The following PRKCQ variants were observed in gnomAD, a reference collection of about 807,000 sequenced individuals.
The protein encoded by PRKCQ is protein kinase C theta, also known as protein kinase C theta type.
A neutral mutation model predicts 91.2 loss-of-function variants in PRKCQ; 41 were observed. The observed-to-expected ratio is 0.45, with a 90% CI of 0.35 to 0.58. PRKCQ has a LOEUF of 0.58. PRKCQ is among the 20% of genes least tolerant of loss of function. PRKCQ has a pLI of 0.00. For synonymous variants in PRKCQ, 307 were observed against 316.9 expected (o/e 0.97, Z 0.33); for missense variants, 673 against 896.5 (o/e 0.75, Z 3.18).
chr10:6,451,057 G>T (rs995795719), intron 15 of PRKCQ, among the ~76,000 whole-genome samples: 50 of 151,066 alleles, frequency 3.3e-4, no homozygotes, highest in Admixed American at 1.3e-3. Context: ...GCTAGCAGAA[G>T]GCAAGAAATA....
intron 2 of PRKCQ, 51 bp downstream of exon 2, chr10:6,514,967 T>A (rs1196585363): frequency 6.2e-7 from 1 of 1,610,852 alleles, no homozygotes; most frequent in Non-Finnish European, 8.5e-7. Context: ...ACACAGTTCA[T>A]AGCAGGATTC....
rs1281359952 is a variant in PRKCQ, at chr10:6,475,353, G to A, written c.1353+3639C>T. ...GTTGATAAACGGCAGAGCTGGGCTT[G>A]AACTTCGGAATCCAAGTCCACAGGA... On this transcript the variant is annotated intron_variant, in intron 12 of 17. Transcript: ENST00000263125. Among the ~76,000 whole-genome samples, 6 of 152,180 alleles carry A rather than the reference G, an allele frequency of 3.9e-5. No homozygotes were observed. In the East Asian group the frequency reaches 1.2e-3, roughly 29 times the overall value.
intron 1 of PRKCQ, among the ~76,000 whole-genome samples, chr10:6,545,361 G>A (rs771271407): frequency 1.3e-5 from 2 of 152,224 alleles, no homozygotes; most frequent in African/African-American, 2.4e-5. Flanking sequence ...TTTTACAGAA[G>A]AGGCAATGGA....
chr10:6,560,793 G>A (rs1056853452), intron 1 of PRKCQ, among the ~76,000 whole-genome samples: 7 of 152,008 alleles, frequency 4.6e-5, no homozygotes, highest in African/African-American at 7.3e-5. Context: ...TAATCCCAGC[G>A]CTTTGGGAGG....
At chr10:6,471,622 C>T (rs1422725173) in intron 12 of PRKCQ, among the ~76,000 whole-genome samples, 3 of 152,226 alleles carry the variant, frequency 2.0e-5, no homozygotes, top group Admixed American at 6.5e-5. Context: ...CAGTGGCGCA[C>T]GCTTGTAATT....
intron 12 of PRKCQ, among the ~76,000 whole-genome samples, chr10:6,466,858 G>C (rs1375240161): frequency 6.6e-6 from 1 of 152,108 alleles, no homozygotes; most frequent in Non-Finnish European, 1.5e-5. Context: ...CAAGAAGAAT[G>C]AGACTCAGAG....
At chr10:6,453,329 T>C (rs1420491578) in intron 15 of PRKCQ, among the ~76,000 whole-genome samples, 2 of 152,224 alleles carry the variant, frequency 1.3e-5, no homozygotes. Flanking sequence ...ATGCTCATCA[T>C]CACTGGCCAT....
chr10:6,476,013 T>C (rs1836249315), intron 12 of PRKCQ, among the ~76,000 whole-genome samples: 1 of 152,152 alleles, frequency 6.6e-6, no homozygotes. Flanking sequence ...CAGGTCTTGG[T>C]AAAGCATCCC....
At chr10:6,460,308 T>G (rs72781739) in intron 14 of PRKCQ, among the ~76,000 whole-genome samples, 17,184 of 152,128 alleles carry the variant, frequency 0.11, 1,290 homozygotes, top group Middle Eastern at 0.2. Context: ...CTTTTTTTTT[T>G]TTGTTCTGAG....
chr10:6,485,061 G>T, intron 10 of PRKCQ, 91 bp downstream of exon 10: 2 of 1,138,340 alleles, frequency 1.8e-6, no homozygotes, highest in South Asian at 2.7e-5. Flanking sequence ...ATCAGACCAG[G>T]TAAGCTGATA....
intron 16 of PRKCQ, among the ~76,000 whole-genome samples, chr10:6,440,831 A>G (rs950658217): frequency 2.0e-5 from 3 of 152,134 alleles, no homozygotes; most frequent in African/African-American, 4.8e-5. Flanking sequence ...TCTACTAAAA[A>G]TACAAAAATT....
chr10:6,549,505 A>G (rs553112856), intron 1 of PRKCQ, among the ~76,000 whole-genome samples: 4 of 152,220 alleles, frequency 2.6e-5, no homozygotes, highest in Non-Finnish European at 5.9e-5. Context: ...AAGGTTTGTC[A>G]TAGCGATTAC....
intron 15 of PRKCQ, among the ~76,000 whole-genome samples, chr10:6,445,157 C>G (rs1834209313): frequency 7.0e-6 from 1 of 142,536 alleles, no homozygotes; most frequent in African/African-American, 2.6e-5. Flanking sequence ...AAATTCCAGA[C>G]ATTCCAGTAT....
intron 1 of PRKCQ, among the ~76,000 whole-genome samples, chr10:6,519,664 T>A (rs567054427): frequency 6.6e-5 from 10 of 152,242 alleles, no homozygotes; most frequent in Admixed American, 2.0e-4. Context: ...ACACTAAATG[T>A]CATTGTGTCC....
In PRKCQ at chr10:6,491,817, A is replaced by AAG. The variant is rs1837321095; in HGVS notation, c.661-7_661-6dup. 1 of 1,614,050 alleles carries AAG rather than the reference A, an allele frequency of 6.2e-7. No individual in the cohort carries two copies. Among genetic ancestry groups the AAG allele is most frequent in the Non-Finnish European group, 8.5e-7 (1 of 1,180,014 alleles). ...TTTGAATCTCTCCTTGTGGAACTGA[A>AAG]AGAAAGGCAGAAGGTGAAATCTGTG... On this transcript the variant is annotated splice_polypyrimidine_tract_variant and splice_region_variant and intron_variant, in intron 7 of 17. Transcript: ENST00000263125.
intron 15 of PRKCQ, among the ~76,000 whole-genome samples, chr10:6,455,304 A>G (rs1834946137): frequency 6.6e-6 from 1 of 152,272 alleles, no homozygotes; most frequent in Non-Finnish European, 1.5e-5. Context: ...AATGAAACAT[A>G]GATTTCTACG....
intron 12 of PRKCQ, among the ~76,000 whole-genome samples, chr10:6,470,288 T>TC (rs141887334): frequency 2.6e-5 from 4 of 152,030 alleles, no homozygotes; most frequent in Non-Finnish European, 5.9e-5. Flanking sequence ...CTATCACCTT[T>TC]CCCCCCTGCT....
chr10:6,543,342 C>T (rs1371710412), intron 1 of PRKCQ, among the ~76,000 whole-genome samples: 1 of 152,194 alleles, frequency 6.6e-6, no homozygotes, highest in Non-Finnish European at 1.5e-5. Flanking sequence ...TTCAGCTGAG[C>T]GCAGTCTGGT....
At chr10:6,557,744 C>T (rs998491192) in intron 1 of PRKCQ, among the ~76,000 whole-genome samples, 6 of 152,190 alleles carry the variant, frequency 3.9e-5, no homozygotes, top group African/African-American at 1.4e-4. Flanking sequence ...CCCTCAAACA[C>T]AACTGAAACA....
Sources: gnomAD v4.1 joint callset for allele counts (sites outside exome capture counted in the v4.1 genomes callset) on GRCh38, gnomAD v4.1.1 for gene constraint, MANE v1.5 for transcripts, NCBI Gene and HGNC (gene_info 2026-07-23, HGNC 2026-07-21) for gene names.